The following PLPPR1 variants were observed in gnomAD, a reference collection of about 807,000 sequenced individuals.
The protein encoded by PLPPR1 is phospholipid phosphatase related 1.
PLPPR1 carries 10 observed loss-of-function variants against 33.1 expected under a neutral mutation model. The observed-to-expected ratio is 0.30, with a 90% confidence interval of 0.19 to 0.51. The LOEUF is 0.51. Among genes scored for constraint, PLPPR1 ranks in the 20% least tolerant of loss-of-function variants. The pLI is 0.97. For missense variants in PLPPR1, 304 were observed against 408.1 expected, an observed-to-expected ratio of 0.74 and a Z score of 2.20; for synonymous variants, 151 against 151.0, an observed-to-expected ratio of 1.00 and a Z score of 0.00.
At chr9:101,125,625 C>T in intron 1 of PLPPR1, 1 of 565,234 alleles carries the variant, frequency 1.8e-6, no homozygotes, top group Non-Finnish European at 3.3e-6. Flanking sequence ...GAGTCATCCT[C>T]AATTTCCTGG....
intron 7 of PLPPR1, among the ~76,000 whole-genome samples, chr9:101,321,039 AC>A (rs1196159991): frequency 6.6e-6 from 1 of 151,958 alleles, no homozygotes; most frequent in Non-Finnish European, 1.5e-5. Flanking sequence ...CAAAGTAAAT[AC>A]CCCCCTGTGA....
chr9:101,101,231 T>A (rs1830893994), intron 1 of PLPPR1, among the ~76,000 whole-genome samples: 1 of 152,180 alleles, frequency 6.6e-6, no homozygotes, highest in Non-Finnish European at 1.5e-5. Context: ...AAGAAACATG[T>A]GGACTGGGTT....
chr9:101,292,586 G>T (rs183985557), intron 4 of PLPPR1, among the ~76,000 whole-genome samples: 4 of 149,808 alleles, frequency 2.7e-5, no homozygotes, highest in East Asian at 2.0e-4. Context: ...GACTAACAGC[G>T]GATCTCTTGG....
chr9:101,297,001 AAAAG>A (rs1456240275), intron 4 of PLPPR1, among the ~76,000 whole-genome samples: 1 of 152,200 alleles, frequency 6.6e-6, no homozygotes, highest in Admixed American at 6.5e-5. Flanking sequence ...TTTTTAAATA[AAAAG>A]AATGCAACAT....
intron 2 of PLPPR1, among the ~76,000 whole-genome samples, chr9:101,190,425 G>A (rs111881879): frequency 4.6e-5 from 7 of 152,088 alleles, no homozygotes; most frequent in Admixed American, 3.3e-4. Flanking sequence ...TCATAGAGCC[G>A]GGACTGTTGG....
intron 5 of PLPPR1, 53 bp from the exon 6 acceptor site, chr9:101,312,745 C>T: frequency 6.6e-7 from 1 of 1,522,988 alleles, no homozygotes; most frequent in South Asian, 1.2e-5. Context: ...TGCATGTGTA[C>T]TCATAGCACA....
chr9:101,260,573 T>A (rs1300814167), intron 2 of PLPPR1, among the ~76,000 whole-genome samples: 1 of 152,102 alleles, frequency 6.6e-6, no homozygotes, highest in Non-Finnish European at 1.5e-5. Flanking sequence ...CCTGTGTAAC[T>A]GAGAGAATGG....
intron 1 of PLPPR1, among the ~76,000 whole-genome samples, chr9:101,033,022 C>T (rs930291823): frequency 6.6e-6 from 1 of 152,126 alleles, no homozygotes. Flanking sequence ...AAATAATCTG[C>T]ACCAGAGAGT....
In PLPPR1 at chr9:101,312,796, A is replaced by G. The variant is rs1299707795; in HGVS notation, c.637-2A>G. On this transcript the variant is annotated splice_acceptor_variant, in intron 5 of 7. Transcript: ENST00000374874. LOFTEE classifies it high-confidence loss of function. ...CACTCCCTGGCCTCTGTCCTATTCC[A>G]GATGTATATTACAAGCACAATCAAG... The G allele has an allele frequency of 6.2e-7, 1 of 1,613,844 alleles. No homozygotes were observed. The highest frequency in any genetic ancestry group is 8.5e-7 in the Non-Finnish European group (1 of 1,179,936).
chr9:101,244,393 T>G (rs76150921), intron 2 of PLPPR1, among the ~76,000 whole-genome samples: 8,084 of 152,032 alleles, frequency 0.053, 299 homozygotes, highest in South Asian at 0.17. Flanking sequence ...AAATAATTAA[T>G]AGGGTTACAA....
chr9:101,309,516 TCCCTG>T, intron 5 of PLPPR1, 55 bp downstream of exon 5: 1 of 1,572,082 alleles, frequency 6.4e-7, no homozygotes, highest in South Asian at 1.2e-5. Context: ...GATGTGTGTC[TCCCTG>T]CCCTGTCTCC....
At chr9:101,249,815 C>T (rs1354499024) in intron 2 of PLPPR1, among the ~76,000 whole-genome samples, 2 of 152,004 alleles carry the variant, frequency 1.3e-5, no homozygotes, top group Non-Finnish European at 2.9e-5. Context: ...AGATGCAACT[C>T]CTAGAATCCC....
rs904187399 is a variant in PLPPR1 at position 101,293,716 on chromosome 9, C to T, written c.385+7480C>T. 8.6e-5 allele frequency among the ~76,000 whole-genome samples: 13 copies of T among 152,028 alleles called. No homozygotes were observed. The East Asian group carries it at 1.4e-3, about 16-fold the overall frequency. On this transcript the variant is annotated intron_variant, in intron 4 of 7. Transcript: ENST00000374874. ...TCCTGAATGACTACTGGGTACATAACGAAATGAAGGCAGAAATAAAGATGT... is the reference window on the plus strand; with the variant it reads ...TCCTGAATGACTACTGGGTACATAATGAAATGAAGGCAGAAATAAAGATGT...
chr9:101,124,784 C>T (rs992311266), intron 1 of PLPPR1, among the ~76,000 whole-genome samples: 1 of 152,240 alleles, frequency 6.6e-6, no homozygotes, highest in Non-Finnish European at 1.5e-5. Flanking sequence ...AGTAAATCCT[C>T]TTCCCCATAT....
intron 1 of PLPPR1, among the ~76,000 whole-genome samples, chr9:101,068,676 G>A (rs1830448512): frequency 6.6e-6 from 1 of 151,642 alleles, no homozygotes; most frequent in South Asian, 2.1e-4. Context: ...CCCAAACACC[G>A]AGAGACAAAT....
chr9:101,313,584 T>C (rs1250909326), intron 6 of PLPPR1, among the ~76,000 whole-genome samples: 1 of 152,126 alleles, frequency 6.6e-6, no homozygotes, highest in African/African-American at 2.4e-5. Context: ...TGGAGAAGAG[T>C]TTTGGTTAAT....
chr9:101,140,867 T>G (rs1212808751), intron 1 of PLPPR1, among the ~76,000 whole-genome samples: 1 of 152,114 alleles, frequency 6.6e-6, no homozygotes, highest in African/African-American at 2.4e-5. Flanking sequence ...ATAAACTAAC[T>G]GGCAATAGCA....
chr9:101,189,676 C>T (rs1826261777), intron 2 of PLPPR1, among the ~76,000 whole-genome samples: 1 of 152,062 alleles, frequency 6.6e-6, no homozygotes, highest in Admixed American at 6.6e-5. Flanking sequence ...ACCATTGCTG[C>T]TTCAAATATC....
At chr9:101,194,606 C>T (rs1049941154) in intron 2 of PLPPR1, among the ~76,000 whole-genome samples, 1 of 152,036 alleles carries the variant, frequency 6.6e-6, no homozygotes, top group Non-Finnish European at 1.5e-5. Flanking sequence ...AAAAAATTAG[C>T]CAGGCATGGT....
Sources: gnomAD v4.1 joint callset for allele counts (sites outside exome capture counted in the v4.1 genomes callset) on GRCh38, gnomAD v4.1.1 for gene constraint, MANE v1.5 for transcripts, NCBI Gene and HGNC (gene_info 2026-07-23, HGNC 2026-07-21) for gene names.